Variants in MAP7D3 observed in about 807,000 individuals in gnomAD.
MAP7D3 encodes MAP7 domain containing 3, also known as MAP7 domain-containing protein 3.
In MAP7D3, 45 loss-of-function variants were observed where a neutral mutation model predicts 62.2. The observed-to-expected ratio is 0.72, with a 90% CI of 0.57 to 0.93. MAP7D3 has a LOEUF of 0.93. Ranked by LOEUF, MAP7D3 falls within the 40% of genes least tolerant of loss-of-function variation. The pLI, the probability that MAP7D3 is intolerant of heterozygous loss-of-function variation, is 0.00. For missense variants in MAP7D3, 711 were observed against 683.1 expected (o/e 1.04, Z -0.45); for synonymous variants, 288 against 248.8 (o/e 1.16, Z -1.48).
At chrX:136,216,693 G>A, downstream of MAP7D3, 1 of 112,014 alleles carries the variant, frequency 8.9e-6, no homozygotes, top group East Asian at 2.8e-4. Flanking sequence ...GAAATCAGGG[G>A]ATTTGATCCC....
At chrX:136,215,556 T>TAAG (rs1189952880), downstream of MAP7D3, among the ~76,000 whole-genome samples, 2 of 111,880 alleles carry the variant, frequency 1.8e-5, no homozygotes, top group African/African-American at 6.5e-5. Context: ...ATTACTTCAT[T>TAAG]ATATATTACA....
intron 1 of MAP7D3, among the ~76,000 whole-genome samples, chrX:136,249,291 T>C (rs1479983204): frequency 8.9e-6 from 1 of 112,360 alleles, no homozygotes; most frequent in African/African-American, 3.2e-5. Flanking sequence ...TCTGCATTGG[T>C]AGAAATTATT....
downstream of MAP7D3, among the ~76,000 whole-genome samples, chrX:136,216,026 G>T (rs1252962616): frequency 1.8e-5 from 2 of 111,039 alleles, no homozygotes; most frequent in Non-Finnish European, 3.8e-5. Context: ...CTTTAAAATG[G>T]TTACTTTTAG....
intron 4 of MAP7D3, among the ~76,000 whole-genome samples, 154 bp downstream of exon 4, chrX:136,244,478 T>G (rs1603282997): frequency 9.0e-6 from 1 of 111,250 alleles, no homozygotes; most frequent in South Asian, 3.9e-4. Flanking sequence ...TAAAAGCCTA[T>G]ATAATGCTGA....
chrX:136,250,583 G>A (rs1471481931), intron 1 of MAP7D3, among the ~76,000 whole-genome samples: 1 of 112,010 alleles, frequency 8.9e-6, no homozygotes, highest in Non-Finnish European at 1.9e-5. Flanking sequence ...TTGAAGTCAT[G>A]TGCTACAGCA....
chrX:136,254,836 C>A (rs2074542264), upstream of MAP7D3, among the ~76,000 whole-genome samples: 4 of 111,667 alleles, frequency 3.6e-5, no homozygotes, highest in Admixed American at 9.5e-5. Flanking sequence ...AACTCGAAAT[C>A]TGGATCTTAA....
chrX:136,226,059 G>T, intron 12 of MAP7D3, 46 bp from the exon 13 acceptor site: 4 of 900,653 alleles, frequency 4.4e-6, no homozygotes, highest in Non-Finnish European at 6.3e-6. Context: ...AGATACCTGA[G>T]TGACATCAGA....
At chrX:136,213,955 T>C (rs151128818), downstream of MAP7D3, 55 of 111,453 alleles carry the variant, frequency 4.9e-4, no homozygotes, top group African/African-American at 1.8e-3. Flanking sequence ...CTGGCCAACA[T>C]GGTGAAACCC....
chrX:136,220,768 G>T lies in MAP7D3; in HGVS notation c.2483C>A (p.Ser828Ter). The stretch of plus-strand genomic sequence containing the variant: ...ATAAGCTGGCTAAGTGACTCACCTT[G>T]AAACTACTTCCTGTATTGAAGTGTC... ...MKDTSIQEVVSRPSSKRMTSH... is the reference protein window; with the variant it reads ...MKDTSIQEVV Residue 828 changes from serine to a stop codon, truncating the protein, a stop_gained, in exon 16 of 19, where the codon TCA becomes TAA. Transcript: ENST00000316077. LOFTEE classifies it high-confidence loss of function. The T allele has an allele frequency of 8.3e-7, 1 of 1,204,703 alleles. No homozygotes were observed. Among genetic ancestry groups the T allele is most frequent in the Non-Finnish European group, 1.1e-6 (1 of 889,365 alleles).
At chrX:136,256,378 C>G (rs1219690838), upstream of MAP7D3, 1 of 1,111,891 alleles carries the variant, frequency 9.0e-7, no homozygotes, top group Non-Finnish European at 1.2e-6. Context: ...AGCACTGCTC[C>G]CCCACCAACA....
chrX:136,225,533 C>T (rs1207567755), intron 13 of MAP7D3, among the ~76,000 whole-genome samples: 1 of 111,947 alleles, frequency 8.9e-6, no homozygotes, highest in Non-Finnish European at 1.9e-5. Context: ...CTCAAAGAGG[C>T]CTACAGTTTG....
At chrX:136,229,986 TATATATA>T (rs1357463529) in intron 10 of MAP7D3, among the ~76,000 whole-genome samples, 1 of 62,256 alleles carries the variant, frequency 1.6e-5, no homozygotes, top group Admixed American at 2.0e-4. Flanking sequence ...TATATATATA[TATATATA>T]TTTTTTTTTT....
intron 12 of MAP7D3, 29 bp downstream of exon 12, chrX:136,227,255 T>C: frequency 1.7e-6 from 2 of 1,196,544 alleles, no homozygotes; most frequent in Non-Finnish European, 2.3e-6. Context: ...CTGGTTCTCA[T>C]CCCCTGATAA....
chrX:136,222,338 C>T (rs920741052), intron 15 of MAP7D3, 55 bp downstream of exon 15: 5 of 948,243 alleles, frequency 5.3e-6, no homozygotes, highest in Non-Finnish European at 7.5e-6. Context: ...AGCTCAAAAG[C>T]AGAGGAGCCC....
rs377070422 is a variant in MAP7D3 at position 136,245,564 on chromosome X, G to A, written c.253+501C>T. On this transcript the variant is annotated intron_variant, in intron 3 of 18. Coordinates refer to ENST00000316077, the MANE Select transcript of MAP7D3 (RefSeq NM_024597.4). ...AGATCAAGACCACCCGGGCTAACAC[G>A]ATGAAACCCCGTCTCTACCAAAAAT... Among the ~76,000 whole-genome samples, 16 of 111,014 alleles carry A rather than the reference G, an allele frequency of 1.4e-4. No individual in the cohort carries two copies. The East Asian group carries it at 2.3e-3, about 16-fold the overall frequency.
downstream of MAP7D3, chrX:136,216,692 G>A (rs890524260): frequency 1.8e-5 from 2 of 111,823 alleles, no homozygotes; most frequent in African/African-American, 6.5e-5. Flanking sequence ...GGAAATCAGG[G>A]GATTTGATCC....
chrX:136,227,365 T>A lies in MAP7D3; in HGVS notation c.1953A>T (p.Lys651Asn). 8.3e-7 allele frequency: 1 copy of A among 1,201,863 alleles called. No homozygotes were observed. The highest frequency in any genetic ancestry group is 1.1e-6 in the Non-Finnish European group (1 of 889,170). ...CATTTTGTTGCTGCCCATCTTTGAG[T>A]TTCAAGTGGTCTTCTGCTTGGCCTC... ...AVGGQAEDHL[K>N]LKDGQQQNET... is the part of the protein sequence containing the mutation. The change falls in exon 12 of 19, where the codon AAA (lysine) becomes AAT (asparagine). Residue 651 changes from lysine (K) to asparagine (N), a missense_variant. Physicochemically the swap from Lys to Asn is moderately conservative, Grantham distance 94. Coordinates refer to ENST00000316077, the MANE Select transcript of MAP7D3 (RefSeq NM_024597.4).
At chrX:136,214,194 A>AAT (rs1208234946), downstream of MAP7D3, 1 of 111,976 alleles carries the variant, frequency 8.9e-6, no homozygotes, top group Non-Finnish European at 1.9e-5. Context: ...ATGTAAACCT[A>AAT]ACTGCAATGA....
At chrX:136,255,205 A>T (rs1398206977), upstream of MAP7D3, among the ~76,000 whole-genome samples, 1 of 112,699 alleles carries the variant, frequency 8.9e-6, no homozygotes, top group Non-Finnish European at 1.9e-5. Context: ...AACAAGAGCA[A>T]AACTCTGTCT....
Sources: gnomAD v4.1 joint callset for allele counts (sites outside exome capture counted in the v4.1 genomes callset) on GRCh38, gnomAD v4.1.1 for gene constraint, MANE v1.5 for transcripts, NCBI Gene and HGNC (gene_info 2026-07-23, HGNC 2026-07-21) for gene names.